The following LAMA2 variants were observed in gnomAD, a reference collection of about 807,000 sequenced individuals.
The protein encoded by LAMA2 is laminin subunit alpha-2.
In LAMA2, 269 loss-of-function variants were observed where a neutral mutation model predicts 364.8. That is an observed-to-expected ratio of 0.74 (90% CI 0.67 to 0.82). The LOEUF (loss-of-function observed/expected upper bound fraction) is 0.82, where lower values mean the gene tolerates loss of function less well. LAMA2 is among the 40% of genes least tolerant of loss of function. The pLI is 0.00. For missense variants in LAMA2, 3,807 were observed against 3,873.2 expected (o/e 0.98, Z 0.45); for synonymous variants, 1,379 against 1,370.6 (o/e 1.01, Z -0.14).
intron 1 of LAMA2, among the ~76,000 whole-genome samples, chr6:128,904,586 C>A (rs923764622): frequency 4.6e-5 from 7 of 151,678 alleles, no homozygotes; most frequent in African/African-American, 1.7e-4. Context: ...TCCTGAGTAG[C>A]TGGGATTACA....
At chr6:129,250,039 A>C in intron 12 of LAMA2, 73 bp from the exon 13 acceptor site, 1 of 928,230 alleles carries the variant, frequency 1.1e-6, no homozygotes, top group East Asian at 2.4e-5. Flanking sequence ...AAATTCGTAT[A>C]CAACAGTAAG....
intron 1 of LAMA2, among the ~76,000 whole-genome samples, chr6:129,041,967 A>G (rs1036477919): frequency 9.4e-5 from 14 of 148,968 alleles, no homozygotes; most frequent in Non-Finnish European, 1.8e-4. Flanking sequence ...ATGCTATTGC[A>G]CTCCAACCTG....
intron 31 of LAMA2, 83 bp downstream of exon 31, chr6:129,349,467 T>C (rs1178603513): frequency 3.6e-5 from 39 of 1,078,260 alleles, no homozygotes; most frequent in Non-Finnish European, 3.4e-5. Context: ...CATTCATTAT[T>C]TGAAGAACTT....
intron 12 of LAMA2, among the ~76,000 whole-genome samples, chr6:129,244,999 GTTC>G (rs1218526022): frequency 6.6e-6 from 1 of 152,054 alleles, no homozygotes; most frequent in African/African-American, 2.4e-5. Flanking sequence ...AGCTACTTGT[GTTC>G]TTCTTTTCTT....
At chr6:129,117,091 G>T (rs1389618981) in intron 4 of LAMA2, among the ~76,000 whole-genome samples, 1 of 152,104 alleles carries the variant, frequency 6.6e-6, no homozygotes, top group African/African-American at 2.4e-5. Flanking sequence ...AGAATTTTCA[G>T]ACAATTAGGG....
intron 43 of LAMA2, among the ~76,000 whole-genome samples, chr6:129,441,549 T>A (rs1197123348): frequency 6.6e-6 from 1 of 152,150 alleles, no homozygotes; most frequent in African/African-American, 2.4e-5. Context: ...ATCTCTTATA[T>A]ATTATATAAA....
At chr6:129,156,022 C>T (rs1779093463) in intron 8 of LAMA2, among the ~76,000 whole-genome samples, 1 of 151,774 alleles carries the variant, frequency 6.6e-6, no homozygotes, top group African/African-American at 2.4e-5. Flanking sequence ...ATTTATTGTA[C>T]AGCATGGTGA....
intron 18 of LAMA2, among the ~76,000 whole-genome samples, chr6:129,285,890 T>G (rs896232729): frequency 1.1e-4 from 16 of 152,156 alleles, no homozygotes. Flanking sequence ...ATACAACTCA[T>G]AAGTGTATAA....
rs941751353 is a variant in LAMA2 at position 129,512,304 on chromosome 6, G to A, written c.8858-59G>A. The A allele has an allele frequency of 2.1e-5, 32 of 1,509,274 alleles. No homozygotes were observed. In the Admixed American group the frequency reaches 2.2e-4, roughly 10 times the overall value. 93.5% of individuals were successfully genotyped at this position (1,509,274 alleles called of 1,614,324 possible). A position where few individuals can be genotyped will look rare whatever the true frequency, so the allele number is the denominator to read the frequency against. On this transcript the variant is annotated intron_variant, in intron 62 of 64. Coordinates refer to ENST00000421865, the MANE Select transcript of LAMA2 (RefSeq NM_000426.4). ...TAATAAAAAGTCATGCATTGTACAC[G>A]TTTGAATTAACAATCCCCATCCTCT...
At chr6:128,896,928 A>G (rs910143562) in intron 1 of LAMA2, among the ~76,000 whole-genome samples, 2 of 152,266 alleles carry the variant, frequency 1.3e-5, no homozygotes, top group Non-Finnish European at 2.9e-5. Flanking sequence ...ACTAGTTAAC[A>G]TCTATGGAAT....
chr6:129,229,071 A>G (rs1486909661), intron 12 of LAMA2, among the ~76,000 whole-genome samples: 1 of 152,174 alleles, frequency 6.6e-6, no homozygotes, highest in Non-Finnish European at 1.5e-5. Flanking sequence ...AGTTATATTA[A>G]CTTGCCAGAA....
At chr6:129,502,028 A>T (rs1785683397) in intron 58 of LAMA2, among the ~76,000 whole-genome samples, 1 of 152,072 alleles carries the variant, frequency 6.6e-6, no homozygotes, top group South Asian at 2.1e-4. Flanking sequence ...CCCCCTCAGC[A>T]CCCTAGGAAG....
intron 19 of LAMA2, among the ~76,000 whole-genome samples, chr6:129,289,571 C>T (rs983511050): frequency 7.9e-5 from 12 of 152,006 alleles, no homozygotes; most frequent in Non-Finnish European, 1.5e-4. Flanking sequence ...TTCCAATAAC[C>T]CCCACCCCCA....
intron 4 of LAMA2, among the ~76,000 whole-genome samples, chr6:129,131,033 C>G (rs78810561): frequency 6.6e-6 from 1 of 152,042 alleles, no homozygotes; most frequent in African/African-American, 2.4e-5. Flanking sequence ...TATTTTTGTC[C>G]TTAATAGAAA....
At chr6:129,103,908 A>T (rs2114884797) in intron 4 of LAMA2, among the ~76,000 whole-genome samples, 1 of 152,250 alleles carries the variant, frequency 6.6e-6, no homozygotes, top group African/African-American at 2.4e-5. Flanking sequence ...TATATTTTTC[A>T]CTAAGCATTG....
At chr6:129,020,579 T>C (rs1785390118) in intron 1 of LAMA2, among the ~76,000 whole-genome samples, 1 of 152,148 alleles carries the variant, frequency 6.6e-6, no homozygotes, top group South Asian at 2.1e-4. Context: ...AAGGTTGTCA[T>C]ATCATGAAGA....
chr6:129,293,639 A>G (rs1789876066), intron 20 of LAMA2, among the ~76,000 whole-genome samples: 1 of 152,194 alleles, frequency 6.6e-6, no homozygotes, highest in Admixed American at 6.5e-5. Flanking sequence ...ATCACAGGAC[A>G]AAACAAAACA....
chr6:129,491,929 A>G lies in LAMA2; in HGVS notation c.7927A>G (p.Arg2643Gly). The G allele has an allele frequency of 6.2e-7, 1 of 1,613,688 alleles. No homozygotes were observed. The change falls in exon 57 of 65, where the codon AGA becomes GGA. Residue 2643 changes from arginine (R) to glycine (G), a missense_variant. Around this residue, in one of 3 missense-constraint regions of LAMA2, gnomAD observed 3,333 missense variants for 3,345.7 expected, o/e 1.00. Coordinates refer to ENST00000421865, the MANE Select transcript of LAMA2 (RefSeq NM_000426.4). The part of the protein sequence containing the change: ...GIFTVQVDEN[R>G]RYMQNLTVEQ... ...CTTTACAGTTCAAGTGGATGAAAAC[A>G]GAAGATACATGCAAAACCTGACAGT...
intron 19 of LAMA2, among the ~76,000 whole-genome samples, chr6:129,290,550 G>A (rs1167377491): frequency 6.6e-6 from 1 of 152,102 alleles, no homozygotes; most frequent in African/African-American, 2.4e-5. Context: ...GGCTGATAGA[G>A]TACCTGTTTA....
Sources: gnomAD v4.1 joint callset for allele counts (sites outside exome capture counted in the v4.1 genomes callset) on GRCh38, gnomAD v4.1.1 for gene constraint, gnomAD v4.1.1 regional missense constraint, MANE v1.5 for transcripts, NCBI Gene and HGNC (gene_info 2026-07-23, HGNC 2026-07-21) for gene names.